Variants in ASIP observed in about 807,000 individuals in gnomAD.
The protein encoded by ASIP is agouti-signaling protein.
A neutral mutation model predicts 10.3 loss-of-function variants in ASIP; 11 were observed. The observed-to-expected ratio is 1.07, with a 90% CI of 0.68 to 1.78. The LOEUF (loss-of-function observed/expected upper bound fraction) is 1.78, where lower values mean the gene tolerates loss of function less well. Ranked by LOEUF, ASIP falls within the 40% of genes most tolerant of loss-of-function variation. ASIP has a pLI of 0.00. For synonymous variants in ASIP, 70 were observed against 70.8 expected, an observed-to-expected ratio of 0.99 and a Z score of 0.06; for missense variants, 180 against 169.2, an observed-to-expected ratio of 1.06 and a Z score of -0.35.
intron 1 of ASIP, chr20:34,214,988 T>G: frequency 7.1e-7 from 1 of 1,412,914 alleles, no homozygotes; most frequent in South Asian, 1.1e-5. Flanking sequence ...TTTACCGGCT[T>G]AGAAAATCTG....
intron 1 of ASIP, among the ~76,000 whole-genome samples, chr20:34,246,703 C>T (rs922600680): frequency 2.6e-5 from 4 of 152,202 alleles, no homozygotes; most frequent in African/African-American, 9.7e-5. Context: ...AGTGATCTGC[C>T]CACCTCAGCC....
chr20:34,207,620 A>G (rs1271258352), intron 1 of ASIP, among the ~76,000 whole-genome samples: 1 of 152,160 alleles, frequency 6.6e-6, no homozygotes, highest in East Asian at 1.9e-4. Flanking sequence ...ATCCTCAAGC[A>G]TTTCCACAAT....
chr20:34,256,014 C>T (rs1303048967), intron 1 of ASIP, among the ~76,000 whole-genome samples: 2 of 152,268 alleles, frequency 1.3e-5, no homozygotes. Flanking sequence ...TGCTGTGCTT[C>T]AGCGGTCACG....
intron 1 of ASIP, among the ~76,000 whole-genome samples, chr20:34,197,951 T>C (rs1323782963): frequency 6.6e-6 from 1 of 152,192 alleles, no homozygotes; most frequent in Non-Finnish European, 1.5e-5. Flanking sequence ...GCAAGAATTC[T>C]TGTAGATACC....
chr20:34,238,519 G>T (rs918958743), upstream of ASIP, among the ~76,000 whole-genome samples: 5 of 151,624 alleles, frequency 3.3e-5, no homozygotes, highest in African/African-American at 1.2e-4. Flanking sequence ...TTTCTTTTTA[G>T]GTTTTCCATA....
intron 3 of ASIP, among the ~76,000 whole-genome samples, chr20:34,268,483 G>A (rs2035827012): frequency 1.3e-5 from 2 of 152,176 alleles, no homozygotes; most frequent in African/African-American, 2.4e-5. Flanking sequence ...AGCACTTTGG[G>A]AGGCCGAGGC....
At position 34,213,479 on chromosome 20, in the gene ASIP, C is replaced by G. The variant is rs1052899219; in HGVS notation, c.-11+18719C>G. 9.8e-6 allele frequency: 13 copies of G among 1,326,976 alleles called. No homozygotes were observed. The African/African-American group carries it at 1.8e-4, about 18-fold the overall frequency. 82.2% of individuals were successfully genotyped at this position (1,326,976 alleles called of 1,614,324 possible). ...GAGACTGAGACAGTTTTGAAGTGAA[C>G]ACTGAAAAAGTCTGTCTCTAAAGCA... On this transcript the variant is annotated intron_variant, in intron 1 of 3. Coordinates refer to the ASIP transcript ENST00000568305.
intron 1 of ASIP, among the ~76,000 whole-genome samples, chr20:34,210,233 G>A (rs1156413854): frequency 6.6e-6 from 1 of 152,260 alleles, no homozygotes; most frequent in African/African-American, 2.4e-5. Context: ...CGTTGAGGGT[G>A]AAGAGAAGGA....
intron 1 of ASIP, 83 bp downstream of exon 1, chr20:34,241,572 C>T: frequency 1.0e-6 from 1 of 973,368 alleles, no homozygotes; most frequent in Non-Finnish European, 1.2e-6. Context: ...TAACAGTTAT[C>T]CCTCCTTTCT....
chr20:34,224,431 A>C (rs1484328081), intron 1 of ASIP, among the ~76,000 whole-genome samples: 1 of 151,428 alleles, frequency 6.6e-6, no homozygotes, highest in African/African-American at 2.4e-5. Flanking sequence ...GGAATCTCAT[A>C]TTCCAGGAGA....
In ASIP at chr20:34,269,207, G is replaced by C; in HGVS notation, c.*40G>C. On this transcript the variant is annotated 3_prime_UTR_variant, in exon 4 of 4. Transcript: ENST00000374954. ...GGCCGCGAGCAGGCAGGGCTTCGGG[G>C]ACGCGGGGCGCTTCTCGGGCGGGTG... 1 of 1,446,276 alleles carries C rather than the reference G, an allele frequency of 6.9e-7. No homozygotes were observed. Among genetic ancestry groups the C allele is most frequent in the Non-Finnish European group, 9.1e-7 (1 of 1,103,108 alleles). The allele number at this position is 1,446,276 out of a possible 1,614,324, so 89.6% of individuals were successfully genotyped here.
At chr20:34,243,934 G>A (rs1336241779) in intron 1 of ASIP, among the ~76,000 whole-genome samples, 1 of 152,024 alleles carries the variant, frequency 6.6e-6, no homozygotes, top group Non-Finnish European at 1.5e-5. Flanking sequence ...GCGTGGTGGC[G>A]GGCGCCTGTA....
chr20:34,187,644 T>C, the ASIP span, among the ~76,000 whole-genome samples: 1 of 152,256 alleles, frequency 6.6e-6, no homozygotes, highest in Non-Finnish European at 1.5e-5. Flanking sequence ...TTGCTAATGT[T>C]ATCTGTACAA....
chr20:34,201,886 T>G (rs1409749542), intron 1 of ASIP, among the ~76,000 whole-genome samples: 1 of 152,224 alleles, frequency 6.6e-6, no homozygotes, highest in Non-Finnish European at 1.5e-5. Flanking sequence ...TCAGGGCTTC[T>G]AGAACACTAA....
chr20:34,214,565 G>A (rs188074218), intron 1 of ASIP: 1 of 1,462,662 alleles, frequency 6.8e-7, no homozygotes, highest in African/African-American at 1.4e-5. Flanking sequence ...CAATTCTGCA[G>A]TGTAGAACTA....
upstream of ASIP, among the ~76,000 whole-genome samples, chr20:34,239,358 A>T (rs557635716): frequency 6.6e-6 from 1 of 152,188 alleles, no homozygotes. Flanking sequence ...CTGGGACTAC[A>T]GGCACCTGCC....
intron 1 of ASIP, among the ~76,000 whole-genome samples, chr20:34,252,407 G>T (rs910910642): frequency 1.3e-5 from 2 of 152,176 alleles, no homozygotes; most frequent in Non-Finnish European, 2.9e-5. Context: ...TTCAAGGAAA[G>T]GTACTGTGCC....
chr20:34,232,542 C>T (rs1360031683), intron 1 of ASIP, among the ~76,000 whole-genome samples: 1 of 152,078 alleles, frequency 6.6e-6, no homozygotes, highest in Admixed American at 6.6e-5. Context: ...CCTCAGAGTA[C>T]CAGATTCAAC....
chr20:34,251,521 G>A (rs1360249347), intron 1 of ASIP, among the ~76,000 whole-genome samples: 3 of 151,992 alleles, frequency 2.0e-5, no homozygotes, highest in African/African-American at 4.8e-5. Flanking sequence ...TGATCCGTCC[G>A]CCTCGGCCTC....
Sources: allele counts gnomAD v4.1 joint callset (sites outside exome capture counted in the v4.1 genomes callset), GRCh38; gene constraint gnomAD v4.1.1; transcripts MANE v1.5; gene names NCBI Gene and HGNC (gene_info 2026-07-23, HGNC 2026-07-21).